The following SLC17A1 variants were observed in gnomAD, a reference collection of about 807,000 sequenced individuals.
SLC17A1 encodes the protein sodium-dependent phosphate transport protein 1.
In SLC17A1, 51 loss-of-function variants were observed where a neutral mutation model predicts 53.5. The ratio of observed to expected loss-of-function variants is 0.95; its 90% CI spans 0.76 to 1.20. The LOEUF (loss-of-function observed/expected upper bound fraction) is 1.20, where lower values mean the gene tolerates loss of function less well. Among genes scored for constraint, SLC17A1 ranks in the 50% most tolerant of loss-of-function variants. The pLI is 0.00. For synonymous variants in SLC17A1, 179 were observed against 198.8 expected (o/e 0.90, Z 0.84); for missense variants, 538 against 568.2 (o/e 0.95, Z 0.54).
At chr6:25,752,794 T>C in the SLC17A1 span, among the ~76,000 whole-genome samples, 3 of 151,876 alleles carry the variant, frequency 2.0e-5, no homozygotes, top group East Asian at 5.8e-4. Flanking sequence ...CTACTAAAAA[T>C]ACAAAAAATT....
At chr6:25,792,403 G>A (rs112504172) in intron 12 of SLC17A1, among the ~76,000 whole-genome samples, 3,075 of 152,282 alleles carry the variant, frequency 0.02, 88 homozygotes, top group African/African-American at 0.067. Flanking sequence ...CAAGGCAGGC[G>A]AATCACTTGA....
At chr6:25,764,106 C>T in the SLC17A1 span, among the ~76,000 whole-genome samples, 1 of 152,176 alleles carries the variant, frequency 6.6e-6, no homozygotes, top group African/African-American at 2.4e-5. Context: ...GCAGAAATCC[C>T]ATGTCTAACA....
chr6:25,816,563 G>A (rs1764364356), intron 6 of SLC17A1, among the ~76,000 whole-genome samples: 1 of 152,266 alleles, frequency 6.6e-6, no homozygotes, highest in African/African-American at 2.4e-5. Context: ...TCTAGGGCAA[G>A]CGCCCTCTGG....
chr6:25,726,426 C>T, the SLC17A1 span: 2 of 1,614,102 alleles, frequency 1.2e-6, no homozygotes, highest in Non-Finnish European at 8.5e-7. Context: ...CCTTACGAAG[C>T]AGACGATGGA....
chr6:25,819,842 A>G lies in SLC17A1; in HGVS notation c.281T>C (p.Ile94Thr), dbSNP rs1412816340. 5 of 1,614,070 alleles carry G rather than the reference A, an allele frequency of 3.1e-6. No individual in the cohort carries two copies. The East Asian group carries it at 6.7e-5, about 22-fold the overall frequency. ...LSSTSYGVII[I>T]QVPVGYFSGI... Reference sequence around the variant, plus strand: ...AGAGAAGTATCCAACAGGAACTTGGATGATGATGACACCATAGGAGGTGGA... The same window carrying G: ...AGAGAAGTATCCAACAGGAACTTGGGTGATGATGACACCATAGGAGGTGGA... Residue 94 changes from isoleucine to threonine, a missense_variant, in exon 4 of 13, where the codon ATC (isoleucine) becomes ACC (threonine). Ile to Thr is a moderately conservative substitution (Grantham distance 89). Coordinates refer to ENST00000244527, the MANE Select transcript of SLC17A1 (RefSeq NM_005074.5).
At chr6:25,747,692 G>C in the SLC17A1 span, among the ~76,000 whole-genome samples, 1 of 152,210 alleles carries the variant, frequency 6.6e-6, no homozygotes, top group Non-Finnish European at 1.5e-5. Context: ...AAAGACATGA[G>C]AGCATGCTTT....
chr6:25,831,346 T>G (rs1255175881), intron 1 of SLC17A1, among the ~76,000 whole-genome samples: 2 of 152,168 alleles, frequency 1.3e-5, no homozygotes, highest in Non-Finnish European at 2.9e-5. Flanking sequence ...GCCCCAAAGA[T>G]ACCAAAGTCC....
At chr6:25,759,750 A>G in the SLC17A1 span, among the ~76,000 whole-genome samples, 1 of 152,096 alleles carries the variant, frequency 6.6e-6, no homozygotes, top group Non-Finnish European at 1.5e-5. Context: ...CTTTACCTTA[A>G]GTTTATGTGA....
the SLC17A1 span, chr6:25,768,400 T>C: frequency 2.0e-6 from 2 of 987,638 alleles, no homozygotes; most frequent in Non-Finnish European, 2.4e-6. Context: ...CACAGGGATA[T>C]CCCCAGAGCT....
At chr6:25,732,583 A>G in the SLC17A1 span, 1 of 844,966 alleles carries the variant, frequency 1.2e-6, no homozygotes, top group East Asian at 4.0e-5. Flanking sequence ...ACGCTAGCGT[A>G]CCTGCCGGCG....
chr6:25,811,574 G>A, intron 9 of SLC17A1, 29 bp from the exon 10 acceptor site: 1 of 1,613,556 alleles, frequency 6.2e-7, no homozygotes, highest in Non-Finnish European at 8.5e-7. Context: ...AACATAGTCA[G>A]GTGCATCCTA....
chr6:25,734,050 A>C, the SLC17A1 span, among the ~76,000 whole-genome samples: 1 of 152,102 alleles, frequency 6.6e-6, no homozygotes, highest in Non-Finnish European at 1.5e-5. Flanking sequence ...TCCTGACCTC[A>C]GTTGATCCGC....
At chr6:25,765,190 T>A in the SLC17A1 span, among the ~76,000 whole-genome samples, 2 of 152,326 alleles carry the variant, frequency 1.3e-5, no homozygotes, top group East Asian at 3.9e-4. Context: ...ATAAGGCATG[T>A]GTTAGATAAA....
At chr6:25,803,443 A>G (rs1307393435) in intron 10 of SLC17A1, among the ~76,000 whole-genome samples, 1 of 152,134 alleles carries the variant, frequency 6.6e-6, no homozygotes, top group East Asian at 1.9e-4. Flanking sequence ...TATTGGATTT[A>G]TGTTCTCCAG....
chr6:25,732,291 T>G, the SLC17A1 span, among the ~76,000 whole-genome samples: 1 of 152,196 alleles, frequency 6.6e-6, no homozygotes, highest in Admixed American at 6.5e-5. Flanking sequence ...AGGTAGAGTA[T>G]GTAAATAAGG....
chr6:25,786,757 C>G (rs1763391607), intron 12 of SLC17A1, among the ~76,000 whole-genome samples: 1 of 152,126 alleles, frequency 6.6e-6, no homozygotes, highest in Admixed American at 6.5e-5. Flanking sequence ...CCTCCTTTCT[C>G]TCCTGGTCAC....
intron 10 of SLC17A1, among the ~76,000 whole-genome samples, chr6:25,803,315 G>C (rs1763847697): frequency 6.6e-6 from 1 of 151,964 alleles, no homozygotes. Flanking sequence ...CACTGAGTTT[G>C]TGTAGATCTA....
At chr6:25,803,786 C>T (rs1006881993) in intron 10 of SLC17A1, among the ~76,000 whole-genome samples, 1 of 151,854 alleles carries the variant, frequency 6.6e-6, no homozygotes, top group Non-Finnish European at 1.5e-5. Context: ...AGCAGCTAAC[C>T]CTTACACAGT....
the SLC17A1 span, chr6:25,769,060 A>T: frequency 6.2e-7 from 1 of 1,613,976 alleles, no homozygotes; most frequent in Non-Finnish European, 8.5e-7. Flanking sequence ...CAACAAATGA[A>T]CTTGAGCATT....
Sources: gnomAD v4.1 joint callset for allele counts (sites outside exome capture counted in the v4.1 genomes callset) on GRCh38, gnomAD v4.1.1 for gene constraint, MANE v1.5 for transcripts, NCBI Gene and HGNC (gene_info 2026-07-23, HGNC 2026-07-21) for gene names.